The following IGF2BP2 variants were observed in gnomAD, a reference collection of about 807,000 sequenced individuals.
IGF2BP2 encodes the protein insulin like growth factor 2 mRNA binding protein 2, also known as insulin-like growth factor 2 mRNA-binding protein 2.
Under a neutral mutation model 75.8 loss-of-function variants are expected in IGF2BP2, and 17 were observed. That is an observed-to-expected ratio of 0.22 (90% CI 0.15 to 0.34). IGF2BP2 has a LOEUF of 0.34. Among genes scored for constraint, IGF2BP2 ranks in the 10% least tolerant of loss-of-function variants. The pLI is 1.00. For synonymous variants in IGF2BP2, 288 were observed against 295.6 expected, an observed-to-expected ratio of 0.97 and a Z score of 0.26; for missense variants, 516 against 772.4, an observed-to-expected ratio of 0.67 and a Z score of 3.93.
At chr3:185,664,961 G>A (rs1490702094) in intron 10 of IGF2BP2, among the ~76,000 whole-genome samples, 1 of 152,050 alleles carries the variant, frequency 6.6e-6, no homozygotes, top group Non-Finnish European at 1.5e-5. Context: ...AATTCCAAGG[G>A]TAAAGGCAAA....
chr3:185,761,215 TGGGTGA>T (rs1415243569), intron 2 of IGF2BP2, among the ~76,000 whole-genome samples: 1 of 152,042 alleles, frequency 6.6e-6, no homozygotes, highest in African/African-American at 2.4e-5. Flanking sequence ...AAAGACGACT[TGGGTGA>T]GGATGTGTGA....
intron 2 of IGF2BP2, among the ~76,000 whole-genome samples, chr3:185,729,273 C>T (rs1016570921): frequency 6.6e-6 from 1 of 152,170 alleles, no homozygotes; most frequent in Non-Finnish European, 1.5e-5. Flanking sequence ...TGGCCACTTT[C>T]TTCCTGGGTA....
At position 185,647,570 on chromosome 3, in the gene IGF2BP2, G is replaced by A. The variant is rs536678923; in HGVS notation, c.1594-432C>T. 7.9e-5 allele frequency among the ~76,000 whole-genome samples: 12 copies of A among 151,862 alleles called. No individual in the cohort carries two copies. The East Asian group carries it at 1.4e-3, about 17-fold the overall frequency. ...CCTCCTCTTGGTTAACTTTCCCTGC[G>A]AATCAGCCCTGCTGTTCCCTCCTCC... On this transcript the variant is annotated intron_variant, in intron 14 of 15. Transcript: ENST00000382199. This position sits in a 1 kb window ranked among gnomAD's most constrained non-coding sequence, Gnocchi z 4.9.
intron 2 of IGF2BP2, among the ~76,000 whole-genome samples, chr3:185,735,616 TAC>T (rs1728756548): frequency 6.6e-6 from 1 of 152,152 alleles, no homozygotes; most frequent in Admixed American, 6.5e-5. Context: ...AGAGCTAAAT[TAC>T]AGAGTTCCTC....
chr3:185,677,068 T>TATATAGAGAGAGAGAGAGAGAGAGAGAG, intron 7 of IGF2BP2, among the ~76,000 whole-genome samples: 1 of 35,862 alleles, frequency 2.8e-5, no homozygotes, highest in Non-Finnish European at 4.6e-5. Flanking sequence ...TATATATATA[T>TATATAGAGAGAGAGAGAGAGAGAGAGAG]AGAGAGAGAG....
intron 2 of IGF2BP2, among the ~76,000 whole-genome samples, chr3:185,758,016 A>C (rs960555986): frequency 2.1e-4 from 32 of 152,236 alleles, no homozygotes; most frequent in African/African-American, 7.7e-4. Context: ...TGGCCACCTG[A>C]CCAAGAACAA....
chr3:185,764,013 T>C lies in IGF2BP2; in HGVS notation c.239+59140A>G, dbSNP rs544847732. ...AGAGAAGAGGGTGAGGTCAGAAGGA[T>C]TGTAGCAGTATTGCCAAAACCTTGA... On this transcript the variant is annotated intron_variant, in intron 2 of 15. Coordinates refer to ENST00000382199, the MANE Select transcript of IGF2BP2 (RefSeq NM_006548.6). 3.3e-5 allele frequency among the ~76,000 whole-genome samples: 5 copies of C among 152,264 alleles called. No individual in the cohort carries two copies. In the East Asian group the frequency reaches 7.7e-4, roughly 23 times the overall value.
At chr3:185,823,486 G>C (rs951675886) in intron 1 of IGF2BP2, among the ~76,000 whole-genome samples, 1 of 152,168 alleles carries the variant, frequency 6.6e-6, no homozygotes, top group Non-Finnish European at 1.5e-5. Flanking sequence ...AATAAAGAGC[G>C]GCGCCAATTT....
At chr3:185,796,995 T>C (rs1737506858) in intron 2 of IGF2BP2, among the ~76,000 whole-genome samples, 1 of 152,058 alleles carries the variant, frequency 6.6e-6, no homozygotes, top group Non-Finnish European at 1.5e-5. Flanking sequence ...CCCCATCCAC[T>C]CTCAGGCCTC....
chr3:185,765,231 C>T lies in IGF2BP2; in HGVS notation c.239+57922G>A, dbSNP rs934047284. On this transcript the variant is annotated intron_variant, in intron 2 of 15. Coordinates refer to ENST00000382199, the MANE Select transcript of IGF2BP2 (RefSeq NM_006548.6). ...CTTCTGCTCTACACACTGTTTCCCCCTCCGTCCCTCCCATCCAGCTATATT... is the reference window on the plus strand; with the variant it reads ...CTTCTGCTCTACACACTGTTTCCCCTTCCGTCCCTCCCATCCAGCTATATT... 2.6e-5 allele frequency among the ~76,000 whole-genome samples: 4 copies of T among 152,290 alleles called. No homozygotes were observed. In the East Asian group the frequency reaches 7.7e-4, roughly 29 times the overall value.
intron 2 of IGF2BP2, among the ~76,000 whole-genome samples, chr3:185,759,627 C>A (rs1732089119): frequency 1.3e-5 from 2 of 152,204 alleles, no homozygotes; most frequent in South Asian, 4.1e-4. Flanking sequence ...CTGAGAAGCA[C>A]ACGGAAGGCT....
intron 2 of IGF2BP2, among the ~76,000 whole-genome samples, chr3:185,749,195 C>A (rs1039318014): frequency 1.3e-5 from 2 of 152,082 alleles, no homozygotes; most frequent in Admixed American, 1.3e-4. Flanking sequence ...AAAAAAAATT[C>A]TCTCTTTTCT....
In IGF2BP2 at chr3:185,751,602, G is replaced by A. The variant is rs779324233; in HGVS notation, c.240-53255C>T. On this transcript the variant is annotated intron_variant, in intron 2 of 15. Transcript: ENST00000382199. ...GGAGGTTGTGGTAAGCCAAGATCAC[G>A]CCATCGCACTCCAGCCTGAGCAACA... is the stretch of plus-strand genomic sequence containing the variant. 1.3e-4 allele frequency among the ~76,000 whole-genome samples: 19 copies of A among 151,692 alleles called. 1 individual carries two copies. The highest frequency in any genetic ancestry group is 2.6e-4 in the Admixed American group (4 of 15,220).
chr3:185,698,237 A>C, intron 3 of IGF2BP2, 62 bp downstream of exon 3: 1 of 1,456,890 alleles, frequency 6.9e-7, no homozygotes, highest in Middle Eastern at 1.7e-4. Context: ...TCCTAAATGT[A>C]AAATGGAACT....
chr3:185,772,917 T>G lies in IGF2BP2; in HGVS notation c.239+50236A>C, dbSNP rs891388621. Among the ~76,000 whole-genome samples, 8 of 152,140 alleles carry G rather than the reference T, an allele frequency of 5.3e-5. No individual in the cohort carries two copies. The East Asian group carries it at 1.5e-3, about 29-fold the overall frequency. ...CTTTCGCCCTTCTAAATGTCTGCTC[T>G]CAATAATGTCATAGCCTGGGCCATC... is the stretch of plus-strand genomic sequence containing the variant. On this transcript the variant is annotated intron_variant, in intron 2 of 15. Transcript: ENST00000382199.
At chr3:185,667,358 C>A (rs1717804323) in intron 10 of IGF2BP2, among the ~76,000 whole-genome samples, 1 of 152,072 alleles carries the variant, frequency 6.6e-6, no homozygotes. Context: ...TGCTTGTAGT[C>A]CCAGTTATTG....
rs563800912 is a variant in IGF2BP2 at position 185,680,980 on chromosome 3, C to T, written c.813-5067G>A. ...TATGAAAAGCCCACAGCTAACATCA[C>T]ACTCAACGATGAAAGACTGAATGCA... On this transcript the variant is annotated intron_variant, in intron 7 of 15. Transcript: ENST00000382199. 2.8e-3 allele frequency among the ~76,000 whole-genome samples: 430 copies of T among 152,306 alleles called. 1 individual carries two copies. The highest frequency in any genetic ancestry group is 5.1e-3 in the Non-Finnish European group (349 of 68,020).
At chr3:185,788,710 CTTTTTT>C (rs1158869748) in intron 2 of IGF2BP2, among the ~76,000 whole-genome samples, 3,706 of 100,206 alleles carry the variant, frequency 0.037, 136 homozygotes, top group African/African-American at 0.13. Flanking sequence ...TGACAAACGA[CTTTTTT>C]TTTTTTTTTT....
intron 2 of IGF2BP2, among the ~76,000 whole-genome samples, chr3:185,745,006 C>G (rs1179417558): frequency 1.3e-5 from 2 of 152,122 alleles, no homozygotes; most frequent in African/African-American, 4.8e-5. Flanking sequence ...GCCTTTATTT[C>G]TATTTCACAG....
Sources: gnomAD v4.1 joint callset for allele counts (sites outside exome capture counted in the v4.1 genomes callset) on GRCh38, gnomAD v4.1.1 for gene constraint, Gnocchi (gnomAD v3.1) non-coding constraint, MANE v1.5 for transcripts, NCBI Gene and HGNC (gene_info 2026-07-23, HGNC 2026-07-21) for gene names.